Variants in TUBGCP6 observed in about 807,000 individuals in gnomAD.
TUBGCP6 encodes the protein tubulin gamma complex component 6, also known as gamma-tubulin complex component 6.
In TUBGCP6, 161 loss-of-function variants were observed where a neutral mutation model predicts 175.8. The ratio of observed to expected loss-of-function variants is 0.92; its 90% CI spans 0.81 to 1.04. TUBGCP6 has a LOEUF of 1.04. Among genes scored for constraint, TUBGCP6 ranks in the 50% least tolerant of loss-of-function variants. The probability of loss-of-function intolerance (pLI) is 0.00; values close to 1 mark genes in which losing one functional copy is unlikely to be tolerated. For synonymous variants in TUBGCP6, 1,173 were observed against 1,030.5 expected (o/e 1.14, Z -2.65); for missense variants, 2,572 against 2,433.0 (o/e 1.06, Z -1.20).
chr22:50,223,796 A>C lies in TUBGCP6; in HGVS notation c.2270+345T>G, dbSNP rs999067601. On this transcript the variant is annotated intron_variant, in intron 13 of 24. Transcript: ENST00000248846. ...CTCTGTTTCCAAAAAAAAAAAAAAA[A>C]AAAAAAACGCCCTGTCTCTGTCAGA... The C allele has an allele frequency of 9.6e-5, 17 of 176,438 alleles. 1 individual carries two copies. In the East Asian group the frequency reaches 2.6e-3, roughly 27 times the overall value. 10.9% of individuals were successfully genotyped at this position (176,438 alleles called of 1,614,324 possible).
chr22:50,244,604 T>G lies in TUBGCP6; in HGVS notation c.-145A>C. On this transcript the variant is annotated 5_prime_UTR_variant, in exon 1 of 25. Coordinates refer to ENST00000248846, the MANE Select transcript of TUBGCP6 (RefSeq NM_020461.4). Reference sequence around the variant, plus strand: ...CCAATGCCGAAGCTCAGAACTGGTATTTTTTAAAGGAGGTCTTGCGGTTGC... The same window carrying G: ...CCAATGCCGAAGCTCAGAACTGGTAGTTTTTAAAGGAGGTCTTGCGGTTGC... The G allele has an allele frequency of 8.0e-7, 1 of 1,244,156 alleles. No individual in the cohort carries two copies. The highest frequency in any genetic ancestry group is 1.6e-5 in the South Asian group (1 of 61,918). 77.1% of individuals were successfully genotyped at this position (1,244,156 alleles called of 1,614,324 possible). A position where few individuals can be genotyped will look rare whatever the true frequency, so the allele number is the denominator to read the frequency against.
intron 1 of TUBGCP6, among the ~76,000 whole-genome samples, chr22:50,242,312 A>T (rs1055785908): frequency 3.3e-5 from 5 of 151,806 alleles, no homozygotes; most frequent in Non-Finnish European, 5.9e-5. Context: ...CAAATAAAAT[A>T]AAAAAATAAA....
intron 21 of TUBGCP6, 35 bp downstream of exon 21, chr22:50,218,668 C>T (rs1447694281): frequency 1.2e-6 from 2 of 1,613,496 alleles, no homozygotes; most frequent in African/African-American, 2.7e-5. Context: ...AGGCAGGCCC[C>T]TGTCCCATCC....
intron 3 of TUBGCP6, among the ~76,000 whole-genome samples, chr22:50,231,052 A>C (rs1386029637): frequency 6.9e-6 from 1 of 145,158 alleles, no homozygotes; most frequent in Non-Finnish European, 1.5e-5. Context: ...ATTGCACTCC[A>C]GCCTGGGCAA....
chr22:50,233,627 A>G, intron 2 of TUBGCP6, 101 bp from the exon 3 acceptor site: 1 of 1,162,984 alleles, frequency 8.6e-7, no homozygotes. Context: ...GAAGAATGGA[A>G]GTGATTCAAA....
At chr22:50,223,949 G>A (rs947465228) in intron 13 of TUBGCP6, 192 bp downstream of exon 13, 17 of 600,578 alleles carry the variant, frequency 2.8e-5, no homozygotes, top group South Asian at 5.9e-5. Context: ...AAGACAACGC[G>A]CAGAACAGCT....
Position 50,233,400 on chromosome 22 carries a change from G to A in TUBGCP6, c.1032C>T (p.Pro344=), listed in dbSNP as rs1244311956. The A allele has an allele frequency of 1.4e-5, 23 of 1,613,874 alleles. No homozygotes were observed. The highest frequency in any genetic ancestry group is 2.2e-5 in the East Asian group (1 of 44,886). The change falls in exon 3 of 25, where the codon CCC becomes CCT. Residue 344 remains proline (P), a synonymous_variant. Coordinates refer to ENST00000248846, the MANE Select transcript of TUBGCP6 (RefSeq NM_020461.4). ...LAGGVLQAPQ[P]VLVKECELVK... is the part of the protein sequence containing the mutation. ...CCAGCTCGCACTCCTTCACCAGCAC[G>A]GGCTGCGGGGCCTGTAGGACGCCCC...
At chr22:50,229,826 G>A (rs533389495) in intron 3 of TUBGCP6, among the ~76,000 whole-genome samples, 1 of 152,300 alleles carries the variant, frequency 6.6e-6, no homozygotes, top group South Asian at 2.1e-4. Flanking sequence ...GAAAAAAACA[G>A]AACACCTTCC....
At chr22:50,222,200 G>A in intron 14 of TUBGCP6, 98 bp from the exon 15 acceptor site, 5 of 1,351,460 alleles carry the variant, frequency 3.7e-6, no homozygotes, top group East Asian at 4.7e-5. Context: ...GCAGCCATGT[G>A]CACTGAACCA....
intron 2 of TUBGCP6, among the ~76,000 whole-genome samples, chr22:50,238,545 T>TG (rs2064804499): frequency 1.8e-4 from 2 of 10,850 alleles, no homozygotes; most frequent in African/African-American, 7.8e-4. Context: ...TTTTTTTTTG[T>TG]TTTTTTTTTT....
Position 50,243,632 on chromosome 22 carries a change from A to AAG in TUBGCP6, c.741+86_741+87insCT, listed in dbSNP as rs878882451. ...GACACTGTCTCAAAAAAAAAAAAAA[A>AAG]AAGAAGAAGAAGAAGAAGAAGAAAG... On this transcript the variant is annotated intron_variant, in intron 1 of 24. Transcript: ENST00000248846. The AAG allele has an allele frequency of 7.4e-3, 7,046 of 951,738 alleles. 36 individuals are homozygous for AAG. In the East Asian group the frequency reaches 0.096, roughly 13 times the overall value. The allele number at this position is 951,738 out of a possible 1,614,324, so 59.0% of individuals were successfully genotyped here.
chr22:50,218,799 C>T lies in TUBGCP6; in HGVS notation c.4725G>A (p.Pro1575=), dbSNP rs751972366. Residue 1575 remains proline, a synonymous_variant, in exon 21 of 25, where the codon CCG becomes CCA. Coordinates refer to ENST00000248846, the MANE Select transcript of TUBGCP6 (RefSeq NM_020461.4). ...ALQCSLHGDT[P]HASNLSLALK... is the part of the protein sequence containing the mutation. ...GAGCGAGGGAGAGGTTGGAGGCGTG[C>T]GGGGTGTCCCCATGCAGGCTGCACT... 75 of 1,613,986 alleles carry T rather than the reference C, an allele frequency of 4.6e-5. No individual in the cohort carries two copies. The highest frequency in any genetic ancestry group is 1.9e-4 in the South Asian group (17 of 91,090).
rs142894029 is a variant in TUBGCP6 at position 50,220,283 on chromosome 22, T to C, written c.4076A>G (p.Asn1359Ser). 18 of 1,572,916 alleles carry C rather than the reference T, an allele frequency of 1.1e-5. No homozygotes were observed. The highest frequency in any genetic ancestry group is 3.5e-5 in the Admixed American group (2 of 56,684). The part of the protein sequence containing the change: ...DVAPTQPWWP[N>S]TPGDSVSEEL... ...TTCAGAGACACTGTCTCCCGGGGTGTTGGGCCACCATGGTTGGGTGGGAGC... is the reference window on the plus strand; with the variant it reads ...TTCAGAGACACTGTCTCCCGGGGTGCTGGGCCACCATGGTTGGGTGGGAGC... Residue 1359 changes from asparagine (N) to serine (S), a missense_variant, in exon 16 of 25, where the codon AAC (asparagine) becomes AGC (serine). Transcript: ENST00000248846.
At chr22:50,222,719 AC>A in intron 13 of TUBGCP6, 127 bp from the exon 14 acceptor site, 1 of 1,343,268 alleles carries the variant, frequency 7.4e-7, no homozygotes, top group Non-Finnish European at 1.0e-6. Context: ...GTCTCCCCCT[AC>A]CAGGGGCTGA....
chr22:50,228,161 G>A (rs977048790), intron 4 of TUBGCP6, 133 bp from the exon 5 acceptor site: 2 of 1,128,204 alleles, frequency 1.8e-6, no homozygotes, highest in Admixed American at 6.6e-5. Context: ...CCAAGCAATG[G>A]GCCTCTGTGA....
At chr22:50,232,595 A>T (rs1371670186) in intron 3 of TUBGCP6, among the ~76,000 whole-genome samples, 1 of 151,948 alleles carries the variant, frequency 6.6e-6, no homozygotes, top group Non-Finnish European at 1.5e-5. Context: ...TCCACACAAT[A>T]AGGCTATCCC....
rs1555907797 is a variant in TUBGCP6 at position 50,222,119 on chromosome 22, A to C, written c.2410-17T>G. On this transcript the variant is annotated splice_polypyrimidine_tract_variant and intron_variant, in intron 14 of 24. Coordinates refer to ENST00000248846, the MANE Select transcript of TUBGCP6 (RefSeq NM_020461.4). ...CAGCATCTCCTGAAATTCAAGCCAG[A>C]GGGGTGACTGGCCAAGCCGGAGTCA... The C allele has an allele frequency of 3.7e-6, 6 of 1,612,374 alleles. No individual in the cohort carries two copies. The South Asian group carries it at 5.5e-5, about 15-fold the overall frequency.
At chr22:50,224,039 A>T in intron 13 of TUBGCP6, 102 bp downstream of exon 13, 1 of 1,042,018 alleles carries the variant, frequency 9.6e-7, no homozygotes, top group Non-Finnish European at 1.4e-6. Flanking sequence ...TGTATGTTTG[A>T]AGGTTTTCAA....
In TUBGCP6 at chr22:50,220,820, G is replaced by A. The variant is rs767044934; in HGVS notation, c.3539C>T (p.Pro1180Leu). 6.2e-7 allele frequency: 1 copy of A among 1,601,984 alleles called. No homozygotes were observed. The highest frequency in any genetic ancestry group is 1.1e-5 in the South Asian group (1 of 89,850). Residue 1180 changes from proline (P) to leucine (L), a missense_variant, in exon 16 of 25, where the codon CCC (proline) becomes CTC (leucine). Coordinates refer to ENST00000248846, the MANE Select transcript of TUBGCP6 (RefSeq NM_020461.4). Reference protein sequence around the residue: ...SLGESVSDMAPARPRWNTHGH... With the variant: ...SLGESVSDMALARPRWNTHGH... ...ATGGGTGTTCCACCGTGGCCGGGCG[G>A]GAGCCATGTCTGACACAGACTCCCC...
Sources: gnomAD v4.1 joint callset for allele counts (sites outside exome capture counted in the v4.1 genomes callset) on GRCh38, gnomAD v4.1.1 for gene constraint, MANE v1.5 for transcripts, NCBI Gene and HGNC (gene_info 2026-07-23, HGNC 2026-07-21) for gene names.